Variants in ENPEP observed in about 807,000 individuals in gnomAD.
ENPEP encodes glutamyl aminopeptidase, also known as AP-A.
A neutral mutation model predicts 114.5 loss-of-function variants in ENPEP; 103 were observed. That is an observed-to-expected ratio of 0.90 (90% CI 0.77 to 1.06). The LOEUF is 1.06. Among genes scored for constraint, ENPEP ranks in the 50% least tolerant of loss-of-function variants. ENPEP has a pLI of 0.00. For synonymous variants in ENPEP, 420 were observed against 422.0 expected (o/e 1.00, Z 0.06); for missense variants, 1,196 against 1,161.3 (o/e 1.03, Z -0.43).
chr4:110,531,422 T>C, intron 11 of ENPEP, 145 bp downstream of exon 11: 1 of 582,824 alleles, frequency 1.7e-6, no homozygotes, highest in Non-Finnish European at 2.5e-6. Context: ...TGATTCCAAA[T>C]CTTCATCTAC....
Position 110,482,734 on chromosome 4 carries a change from C to T in ENPEP, c.644+5676C>T, listed in dbSNP as rs535991254. The stretch of plus-strand genomic sequence containing the variant: ...AATAAAGAATAGATTTTAGGTTGGG[C>T]GAGGTGGCTCATGCCTGTAATCCCA... On this transcript the variant is annotated intron_variant, in intron 1 of 19. Transcript: ENST00000265162. Among the ~76,000 whole-genome samples, 20 of 152,246 alleles carry T rather than the reference C, an allele frequency of 1.3e-4. No individual in the cohort carries two copies. The South Asian group carries it at 2.9e-3, about 22-fold the overall frequency.
chr4:110,488,453 C>G, intron 1 of ENPEP, 88 bp from the exon 2 acceptor site: 1 of 1,403,250 alleles, frequency 7.1e-7, no homozygotes, highest in South Asian at 1.7e-5. Flanking sequence ...AATTGCATAG[C>G]TGATTTTTTT....
Position 110,513,322 on chromosome 4 carries a change from A to T in ENPEP, c.1309-93A>T, listed in dbSNP as rs1056402210. 2.9e-6 allele frequency: 4 copies of T among 1,377,762 alleles called. No individual in the cohort carries two copies. In the African/African-American group the frequency reaches 6.0e-5, roughly 20 times the overall value. 85.3% of individuals were successfully genotyped at this position (1,377,762 alleles called of 1,614,324 possible). Reference sequence around the variant, plus strand: ...TAAGTAACTTAAGTCATTTATATTTATTTTCCTCCAATTTTTCTTATATAT... The same window carrying T: ...TAAGTAACTTAAGTCATTTATATTTTTTTTCCTCCAATTTTTCTTATATAT... On this transcript the variant is annotated intron_variant, in intron 6 of 19. Coordinates refer to ENST00000265162, the MANE Select transcript of ENPEP (RefSeq NM_001977.4).
intron 19 of ENPEP, among the ~76,000 whole-genome samples, chr4:110,560,441 A>T (rs562853370): frequency 2.0e-5 from 3 of 152,342 alleles, no homozygotes; most frequent in Admixed American, 1.3e-4. Context: ...GGTGTAAAAC[A>T]TGTCTTTATT....
chr4:110,536,688 C>T (rs1419970076), intron 11 of ENPEP, among the ~76,000 whole-genome samples: 1 of 152,160 alleles, frequency 6.6e-6, no homozygotes, highest in African/African-American at 2.4e-5. Flanking sequence ...CTTCCATGGG[C>T]ACACTGGAGA....
intron 1 of ENPEP, among the ~76,000 whole-genome samples, chr4:110,480,496 G>GTAA (rs1724273718): frequency 6.6e-6 from 1 of 152,150 alleles, no homozygotes; most frequent in African/African-American, 2.4e-5. Context: ...CGTCATCATA[G>GTAA]TAATACATTT....
At chr4:110,499,776 T>C (rs773648945) in intron 3 of ENPEP, among the ~76,000 whole-genome samples, 11 of 152,136 alleles carry the variant, frequency 7.2e-5, no homozygotes, top group Non-Finnish European at 1.5e-4. Context: ...TTAGAACTCA[T>C]TGGATTTATT....
chr4:110,516,276 T>C (rs963036165), intron 8 of ENPEP, among the ~76,000 whole-genome samples: 2 of 152,178 alleles, frequency 1.3e-5, no homozygotes, highest in African/African-American at 4.8e-5. Flanking sequence ...CTTAAGCGTA[T>C]TATTCCAGGA....
At chr4:110,548,020 C>T (rs1183474968) in intron 13 of ENPEP, among the ~76,000 whole-genome samples, 156 bp from the exon 14 acceptor site, 1 of 151,598 alleles carries the variant, frequency 6.6e-6, no homozygotes, top group Non-Finnish European at 1.5e-5. Context: ...TGGGCTTCAA[C>T]CAATAAATGC....
At chr4:110,487,262 G>A (rs1724540689) in intron 1 of ENPEP, among the ~76,000 whole-genome samples, 1 of 152,216 alleles carries the variant, frequency 6.6e-6, no homozygotes. Context: ...TGGTCCCCAG[G>A]GAAGAAGGAG....
At chr4:110,513,639 T>C (rs1725661517) in intron 7 of ENPEP, 90 bp downstream of exon 7, 1 of 1,499,628 alleles carries the variant, frequency 6.7e-7, no homozygotes, top group Non-Finnish European at 9.0e-7. Flanking sequence ...ATGGTCACAC[T>C]GTGCCAGTGA....
chr4:110,556,659 T>C (rs182057372), intron 18 of ENPEP, among the ~76,000 whole-genome samples: 88 of 152,244 alleles, frequency 5.8e-4, no homozygotes, highest in African/African-American at 2.0e-3. Flanking sequence ...TGCTACTGGG[T>C]GAAAAGATGT....
intron 2 of ENPEP, 98 bp from the exon 3 acceptor site, chr4:110,490,935 G>C: frequency 7.7e-7 from 1 of 1,296,076 alleles, no homozygotes; most frequent in Non-Finnish European, 1.1e-6. Context: ...AGGACTTCTG[G>C]CTAGAAAGCA....
chr4:110,517,170 G>T (rs1246601648), intron 8 of ENPEP, among the ~76,000 whole-genome samples: 1 of 151,970 alleles, frequency 6.6e-6, no homozygotes, highest in Non-Finnish European at 1.5e-5. Context: ...GAACTTGTGA[G>T]CTCAAGAGAT....
At chr4:110,548,716 G>A (rs1316188358) in intron 14 of ENPEP, among the ~76,000 whole-genome samples, 1 of 151,794 alleles carries the variant, frequency 6.6e-6, no homozygotes, top group African/African-American at 2.4e-5. Flanking sequence ...TCTTACTGCT[G>A]GTATTTCCAC....
At chr4:110,496,825 C>T (rs1724960072) in intron 3 of ENPEP, among the ~76,000 whole-genome samples, 1 of 152,208 alleles carries the variant, frequency 6.6e-6, no homozygotes, top group Admixed American at 6.5e-5. Flanking sequence ...TACATGACAT[C>T]CTCATGACTT....
chr4:110,521,844 C>T (rs1001914750), intron 10 of ENPEP, among the ~76,000 whole-genome samples: 4 of 151,526 alleles, frequency 2.6e-5, no homozygotes, highest in Non-Finnish European at 4.4e-5. Context: ...CAAATATGAA[C>T]AGTCTAGCAC....
At chr4:110,482,287 G>A (rs558871827) in intron 1 of ENPEP, among the ~76,000 whole-genome samples, 17 of 152,344 alleles carry the variant, frequency 1.1e-4, no homozygotes, top group African/African-American at 2.6e-4. Context: ...TTTGACGATT[G>A]CTTGACTATG....
intron 10 of ENPEP, among the ~76,000 whole-genome samples, chr4:110,523,161 C>T (rs141513293): frequency 2.5e-3 from 382 of 152,170 alleles, no homozygotes; most frequent in Non-Finnish European, 4.1e-3. Context: ...AAAGCCCATC[C>T]GTTTGGTCAA....
Sources: allele counts gnomAD v4.1 joint callset (sites outside exome capture counted in the v4.1 genomes callset), GRCh38; gene constraint gnomAD v4.1.1; transcripts MANE v1.5; gene names NCBI Gene and HGNC (gene_info 2026-07-23, HGNC 2026-07-21).